Variants in MCF2 observed in about 807,000 individuals in gnomAD.
MCF2 encodes proto-oncogene DBL.
In MCF2, 44 loss-of-function variants were observed where a neutral mutation model predicts 82.5. The observed-to-expected ratio is 0.53, with a 90% CI of 0.42 to 0.69. The LOEUF is 0.69. Ranked by LOEUF, MCF2 falls within the 30% of genes least tolerant of loss-of-function variation. The pLI is 0.00. For missense variants in MCF2, 623 were observed against 663.1 expected (o/e 0.94, Z 0.66); for synonymous variants, 217 against 224.9 (o/e 0.96, Z 0.32).
chrX:139,588,837 G>C lies in MCF2; in HGVS notation c.2371-399C>G, dbSNP rs1163289645. ...CCCAGCTACTTGAGAGGGTGAGGTG[G>C]GAGAATCGCTTGAGCCTGGGAGGCA... is the stretch of plus-strand genomic sequence containing the variant. On this transcript the variant is annotated intron_variant, in intron 20 of 24. Transcript: ENST00000370576. Among the ~76,000 whole-genome samples, 4 of 109,056 alleles carry C rather than the reference G, an allele frequency of 3.7e-5. No homozygotes were observed. The South Asian group carries it at 1.6e-3, about 45-fold the overall frequency. 94.7% of individuals were successfully genotyped at this position (109,056 alleles called of 115,157 possible). A position where few individuals can be genotyped will look rare whatever the true frequency, so the allele number is the denominator to read the frequency against.
chrX:139,695,124 G>A (rs1315961892), intron 1 of MCF2, among the ~76,000 whole-genome samples: 2 of 108,297 alleles, frequency 1.8e-5, no homozygotes, highest in Non-Finnish European at 3.8e-5. Flanking sequence ...TCTGCCTCCT[G>A]GGTTCAAGCA....
intron 1 of MCF2, among the ~76,000 whole-genome samples, chrX:139,700,432 G>GCTCT (rs1302470387): frequency 1.8e-5 from 2 of 111,889 alleles, no homozygotes; most frequent in African/African-American, 6.5e-5. Context: ...ATAATATTGG[G>GCTCT]AAGAAGAAGA....
exon 1 of MCF2, chrX:139,642,701 C>G: frequency 3.7e-6 from 4 of 1,084,171 alleles, no homozygotes; most frequent in Non-Finnish European, 4.8e-6. Flanking sequence ...AAAAAAACCA[C>G]TATCCCTGAT....
At chrX:139,613,229 T>C in intron 10 of MCF2, 3 of 1,150,225 alleles carry the variant, frequency 2.6e-6, no homozygotes, top group Non-Finnish European at 2.3e-6. Flanking sequence ...TTGAAAAAAG[T>C]TTACATGCTT....
chrX:139,616,597 T>TAAA, intron 8 of MCF2, 124 bp from the exon 12 acceptor site: 5 of 287,879 alleles, frequency 1.7e-5, no homozygotes, highest in South Asian at 1.6e-4. Flanking sequence ...TCAGAGCTGT[T>TAAA]AAAAAAAAAA....
intron 16 of MCF2, among the ~76,000 whole-genome samples, chrX:139,599,078 G>T (rs1340868453): frequency 9.1e-6 from 1 of 109,758 alleles, no homozygotes; most frequent in East Asian, 2.9e-4. Context: ...TATTTAGGAT[G>T]AAATGTGCAT....
At chrX:139,687,887 A>AC (rs1255581801) in intron 1 of MCF2, among the ~76,000 whole-genome samples, 2 of 112,058 alleles carry the variant, frequency 1.8e-5, no homozygotes, top group African/African-American at 6.5e-5. Flanking sequence ...ACTAAAGCTC[A>AC]TATACATTAG....
At chrX:139,589,149 T>C (rs1444973939) in intron 20 of MCF2, among the ~76,000 whole-genome samples, 1 of 111,445 alleles carries the variant, frequency 9.0e-6, no homozygotes, top group African/African-American at 3.3e-5. Context: ...TAACATGAAA[T>C]CCTCCTTAAA....
Position 139,597,322 on chromosome X carries a change from T to G in MCF2, c.2055+138A>C, listed in dbSNP as rs4824941. ...TCTGAAGCCAATTCTCCACTTAGCATTATCAGTAGTAACATCAACATTTTG... is the reference window on the plus strand; with the variant it reads ...TCTGAAGCCAATTCTCCACTTAGCAGTATCAGTAGTAACATCAACATTTTG... On this transcript the variant is annotated intron_variant, in intron 18 of 24. Transcript: ENST00000370576. The G allele has an allele frequency of 0.01, 4,976 of 493,958 alleles. 253 individuals carry two copies. The Admixed American group carries it at 0.12, about 12-fold the overall frequency. 40.7% of individuals were successfully genotyped at this position (493,958 alleles called of 1,213,427 possible). A position where few individuals can be genotyped will look rare whatever the true frequency, so the allele number is the denominator to read the frequency against.
chrX:139,692,368 CGA>C (rs950634491), intron 1 of MCF2, among the ~76,000 whole-genome samples: 1 of 110,014 alleles, frequency 9.1e-6, no homozygotes, highest in African/African-American at 3.3e-5. Context: ...CGCAGAGGCC[CGA>C]GAGCTCCGCG....
At chrX:139,662,566 G>A (rs1179017967) in intron 1 of MCF2, among the ~76,000 whole-genome samples, 1 of 110,516 alleles carries the variant, frequency 9.0e-6, no homozygotes, top group African/African-American at 3.3e-5. Flanking sequence ...ATATATTGAG[G>A]GTCAGTTGAT....
intron 1 of MCF2, among the ~76,000 whole-genome samples, chrX:139,668,582 C>T (rs1934592956): frequency 9.0e-6 from 1 of 111,506 alleles, no homozygotes; most frequent in Admixed American, 9.6e-5. Flanking sequence ...CCAATCCCGG[C>T]CAAGCAGGCT....
At chrX:139,665,978 TAC>T (rs1160073877) in intron 1 of MCF2, among the ~76,000 whole-genome samples, 6 of 98,864 alleles carry the variant, frequency 6.1e-5, no homozygotes, top group Non-Finnish European at 1.2e-4. Context: ...TACATATATA[TAC>T]ACACACACAT....
At chrX:139,630,583 AC>A (rs761655491) in intron 3 of MCF2, among the ~76,000 whole-genome samples, 12 of 112,605 alleles carry the variant, frequency 1.1e-4, no homozygotes, top group Non-Finnish European at 1.9e-4. Flanking sequence ...TTTTGGCAAT[AC>A]ATCTTCATGT....
chrX:139,631,421 G>C (rs1932923669), exon 3 of MCF2: 1 of 1,196,101 alleles, frequency 8.4e-7, no homozygotes, highest in African/African-American at 1.8e-5. Flanking sequence ...CATTCACTGT[G>C]GCAGTACTGC....
chrX:139,655,784 G>T (rs1275801783), intron 1 of MCF2, among the ~76,000 whole-genome samples: 1 of 111,115 alleles, frequency 9.0e-6, no homozygotes, highest in African/African-American at 3.3e-5. Flanking sequence ...GGTTTTTCCG[G>T]GTACAAGATC....
intron 1 of MCF2, among the ~76,000 whole-genome samples, chrX:139,641,393 T>C (rs1796981501): frequency 1.8e-5 from 2 of 110,597 alleles, no homozygotes; most frequent in African/African-American, 6.5e-5. Flanking sequence ...TATAATTTTG[T>C]CAAAATAAAG....
rs756957129 is a variant in MCF2 at position 139,648,677 on chromosome X, A to C, written c.26-1774T>G. ...GCTGCCCACAAGAAACACACATTTT[A>C]AATATAAAAGTACAAATTATTAAAA... On this transcript the variant is annotated intron_variant, in intron 2 of 27. Coordinates refer to the MCF2 transcript ENST00000414978. Among the ~76,000 whole-genome samples, 4 of 112,350 alleles carry C rather than the reference A, an allele frequency of 3.6e-5. No homozygotes were observed. In the East Asian group the frequency reaches 1.1e-3, roughly 32 times the overall value.
intron 1 of MCF2, among the ~76,000 whole-genome samples, chrX:139,658,931 C>T (rs912561210): frequency 1.8e-5 from 2 of 110,872 alleles, no homozygotes; most frequent in South Asian, 3.9e-4. Flanking sequence ...GATCCTCCCA[C>T]CTTGACCTCC....
Sources: allele counts gnomAD v4.1 joint callset (sites outside exome capture counted in the v4.1 genomes callset), GRCh38; gene constraint gnomAD v4.1.1; transcripts MANE v1.5; gene names NCBI Gene and HGNC (gene_info 2026-07-23, HGNC 2026-07-21).